The following MGAT4A variants were observed in gnomAD, a reference collection of about 807,000 sequenced individuals.
MGAT4A encodes the protein alpha-1,3-mannosyl-glycoprotein 4-beta-N-acetylglucosaminyltransferase A.
In MGAT4A, 33 loss-of-function variants were observed where a neutral mutation model predicts 74.1. The observed-to-expected ratio is 0.45, with a 90% confidence interval of 0.34 to 0.60. The LOEUF (loss-of-function observed/expected upper bound fraction) is 0.60, where lower values mean the gene tolerates loss of function less well. Ranked by LOEUF, MGAT4A falls within the 20% of genes least tolerant of loss-of-function variation. MGAT4A has a pLI of 0.02. For missense variants in MGAT4A, 479 were observed against 628.3 expected, an observed-to-expected ratio of 0.76 and a Z score of 2.54; for synonymous variants, 198 against 210.4, an observed-to-expected ratio of 0.94 and a Z score of 0.51.
intron 4 of MGAT4A, among the ~76,000 whole-genome samples, chr2:98,672,719 G>A (rs1038810974): frequency 9.9e-5 from 15 of 152,034 alleles, no homozygotes; most frequent in African/African-American, 1.7e-4. Flanking sequence ...TACACAGCTC[G>A]GTCTTTCTGA....
chr2:98,729,373 A>C (rs1702811088), intron 1 of MGAT4A, among the ~76,000 whole-genome samples: 1 of 152,248 alleles, frequency 6.6e-6, no homozygotes, highest in South Asian at 2.1e-4. Context: ...GGACAAGAGT[A>C]AAACCAAGGA....
intron 4 of MGAT4A, among the ~76,000 whole-genome samples, chr2:98,664,177 G>A (rs1224735156): frequency 1.7e-5 from 2 of 118,956 alleles, no homozygotes; most frequent in African/African-American, 6.7e-5. Flanking sequence ...CTCCAGCCTG[G>A]GTGACAAAGC....
Position 98,726,398 on chromosome 2 carries a change from C to A in MGAT4A, c.-66G>T. 7.3e-7 allele frequency: 1 copy of A among 1,377,620 alleles called. No individual in the cohort carries two copies. 85.3% of individuals were successfully genotyped at this position (1,377,620 alleles called of 1,614,324 possible). A position where few individuals can be genotyped will look rare whatever the true frequency, so the allele number is the denominator to read the frequency against. On this transcript the variant is annotated 5_prime_UTR_variant, in exon 2 of 16. Transcript: ENST00000393487. ...AACAACCAGGACTGTTTTCTTTTTACCCTGAAAGTCAACTGAATGCAGTAC... is the reference window on the plus strand; with the variant it reads ...AACAACCAGGACTGTTTTCTTTTTAACCTGAAAGTCAACTGAATGCAGTAC...
At chr2:98,690,846 G>GCA (rs1702185324) in intron 2 of MGAT4A, among the ~76,000 whole-genome samples, 1 of 151,864 alleles carries the variant, frequency 6.6e-6, no homozygotes, top group Non-Finnish European at 1.5e-5. Flanking sequence ...TATAATAATT[G>GCA]AAACAAAAAA....
intron 14 of MGAT4A, among the ~76,000 whole-genome samples, chr2:98,628,652 A>G (rs1575238938): frequency 6.6e-6 from 1 of 152,342 alleles, no homozygotes; most frequent in East Asian, 1.9e-4. Flanking sequence ...GCTCTCACAT[A>G]ACTGCACAAT....
rs528278552 is a variant in MGAT4A at position 98,649,606 on chromosome 2, A to C, written c.775-4064T>G. Among the ~76,000 whole-genome samples, 6 of 152,284 alleles carry C rather than the reference A, an allele frequency of 3.9e-5. No individual in the cohort carries two copies. The South Asian group carries it at 1.2e-3, about 32-fold the overall frequency. ...CCAGAGGCTGCAGTACCAGAGACAG[A>C]AACTAGGTGGAGCTCCAGTACTGCA... is the stretch of plus-strand genomic sequence containing the variant. On this transcript the variant is annotated intron_variant, in intron 8 of 15. Transcript: ENST00000393487.
chr2:98,627,627 C>T (rs1441547735), intron 14 of MGAT4A, among the ~76,000 whole-genome samples: 1 of 152,196 alleles, frequency 6.6e-6, no homozygotes, highest in Admixed American at 6.5e-5. Context: ...CCACCTGCCT[C>T]GGCCTCCCAA....
chr2:98,670,669 C>T (rs1347786051), intron 4 of MGAT4A, among the ~76,000 whole-genome samples: 1 of 152,104 alleles, frequency 6.6e-6, no homozygotes, highest in Non-Finnish European at 1.5e-5. Context: ...TTCCTCATTG[C>T]TTTCCTTATA....
intron 1 of MGAT4A, among the ~76,000 whole-genome samples, chr2:98,727,087 TAAC>T (rs1475856239): frequency 1.3e-5 from 2 of 152,238 alleles, no homozygotes; most frequent in East Asian, 3.8e-4. Context: ...CAAAATGAGG[TAAC>T]AATCTGTCCT....
At chr2:98,718,940 C>A (rs563309814) in intron 2 of MGAT4A, among the ~76,000 whole-genome samples, 2 of 152,286 alleles carry the variant, frequency 1.3e-5, no homozygotes, top group African/African-American at 4.8e-5. Context: ...CAGAGAAAAA[C>A]CTGTCATTAT....
At position 98,675,106 on chromosome 2, in the gene MGAT4A, T is replaced by C; in HGVS notation, c.332A>G (p.His111Arg). The C allele has an allele frequency of 6.2e-7, 1 of 1,612,980 alleles. No individual in the cohort carries two copies. The highest frequency in any genetic ancestry group is 8.5e-7 in the Non-Finnish European group (1 of 1,179,498). ...KSLQVPSIYYHLPHLLKNEGS... is the reference protein window; with the variant it reads ...KSLQVPSIYYRLPHLLKNEGS... ...TTCATTTTTCAATAAATGAGGCAAA[T>C]GATAATAAATACTTGGCACTTGAAG... The change falls in exon 4 of 16, where the codon CAT becomes CGT. Residue 111 changes from histidine to arginine, a missense_variant. Transcript: ENST00000393487.
At chr2:98,679,902 T>C (rs1251721331) in intron 2 of MGAT4A, among the ~76,000 whole-genome samples, 1 of 152,186 alleles carries the variant, frequency 6.6e-6, no homozygotes, top group Non-Finnish European at 1.5e-5. Context: ...CTGGAGGTAC[T>C]GAATAGTAGT....
chr2:98,683,750 A>G (rs1208429952), intron 2 of MGAT4A, among the ~76,000 whole-genome samples: 1 of 152,208 alleles, frequency 6.6e-6, no homozygotes, highest in East Asian at 1.9e-4. Flanking sequence ...AAGCAGTCCC[A>G]GTAGAGAAAT....
chr2:98,660,412 GCACGCGCACACACACACACACACA>G (rs960032753), intron 5 of MGAT4A, among the ~76,000 whole-genome samples: 9 of 92,952 alleles, frequency 9.7e-5, no homozygotes, highest in African/African-American at 3.9e-4. Flanking sequence ...ACACACACAC[GCACGCGCACACACACACACACACA>G]CACACACACA....
chr2:98,644,164 T>C (rs916518003), intron 9 of MGAT4A, 111 bp from the exon 10 acceptor site: 4 of 1,071,362 alleles, frequency 3.7e-6, no homozygotes, highest in Non-Finnish European at 3.8e-6. Context: ...CTTTCAACTA[T>C]AAATCATCAT....
chr2:98,708,188 G>A (rs182304416), intron 2 of MGAT4A, among the ~76,000 whole-genome samples: 39 of 151,480 alleles, frequency 2.6e-4, no homozygotes, highest in Non-Finnish European at 4.9e-4. Context: ...GGCTGGTCTC[G>A]AACTCCTGGT....
intron 2 of MGAT4A, among the ~76,000 whole-genome samples, chr2:98,725,492 C>G (rs10496331): frequency 0.044 from 6,619 of 152,028 alleles, 404 homozygotes; most frequent in African/African-American, 0.13. Context: ...GATATTCTAA[C>G]AAACCAAATA....
intron 8 of MGAT4A, among the ~76,000 whole-genome samples, chr2:98,647,030 G>A (rs561481104): frequency 2.0e-5 from 3 of 152,292 alleles, no homozygotes; most frequent in Non-Finnish European, 4.4e-5. Flanking sequence ...GTTTTTCAAG[G>A]TAATCTAATA....
intron 10 of MGAT4A, among the ~76,000 whole-genome samples, chr2:98,642,783 C>T (rs1472675614): frequency 6.6e-6 from 1 of 152,146 alleles, no homozygotes; most frequent in African/African-American, 2.4e-5. Context: ...TGTCGGAAAA[C>T]AGATACTCTG....
Sources: gnomAD v4.1 joint callset for allele counts (sites outside exome capture counted in the v4.1 genomes callset) on GRCh38, gnomAD v4.1.1 for gene constraint, MANE v1.5 for transcripts, NCBI Gene and HGNC (gene_info 2026-07-23, HGNC 2026-07-21) for gene names.